The following DGKB variants were observed in gnomAD, a reference collection of about 807,000 sequenced individuals.
The protein encoded by DGKB is diacylglycerol kinase beta, also known as 90 kDa diacylglycerol kinase.
In DGKB, 67 loss-of-function variants were observed where a neutral mutation model predicts 114.3. The observed-to-expected ratio is 0.59, with a 90% CI of 0.48 to 0.72. The LOEUF (loss-of-function observed/expected upper bound fraction) is 0.72. Ranked by LOEUF, DGKB falls within the 30% of genes least tolerant of loss-of-function variation. DGKB has a pLI of 0.00. For missense variants in DGKB, 907 were observed against 975.2 expected, an observed-to-expected ratio of 0.93 and a Z score of 0.93; for synonymous variants, 398 against 323.1, an observed-to-expected ratio of 1.23 and a Z score of -2.49.
At chr7:14,939,672 G>T (rs42925) in intron 1 of DGKB, among the ~76,000 whole-genome samples, 18,435 of 136,630 alleles carry the variant, frequency 0.13, 1,568 homozygotes, top group Middle Eastern at 0.2. Context: ...TTCTGCCCAG[G>T]CTGGAGTGCA....
intron 21 of DGKB, among the ~76,000 whole-genome samples, chr7:14,419,624 T>A (rs1439844286): frequency 2.1e-5 from 3 of 141,630 alleles, no homozygotes; most frequent in Admixed American, 7.5e-5. Context: ...TGCACTTAAT[T>A]TGAAAAAAAA....
At chr7:14,972,212 A>G (rs1399078765) in intron 1 of DGKB, among the ~76,000 whole-genome samples, 2 of 152,152 alleles carry the variant, frequency 1.3e-5, no homozygotes, top group African/African-American at 2.4e-5. Context: ...AGCTTAATGT[A>G]TCATCATACT....
intron 21 of DGKB, among the ~76,000 whole-genome samples, chr7:14,405,480 G>A (rs1031417993): frequency 5.3e-5 from 8 of 151,960 alleles, no homozygotes; most frequent in Admixed American, 3.9e-4. Flanking sequence ...AGAATTAAAT[G>A]AGATAGGCTT....
chr7:14,949,717 G>T (rs1336149080), intron 1 of DGKB, among the ~76,000 whole-genome samples: 1 of 151,900 alleles, frequency 6.6e-6, no homozygotes, highest in African/African-American at 2.4e-5. Flanking sequence ...TAGTAAAAAT[G>T]ATAGACTGGA....
chr7:14,689,196 C>CTTCTTTTTTTT (rs1554599070), intron 9 of DGKB, among the ~76,000 whole-genome samples: 1 of 80,304 alleles, frequency 1.2e-5, no homozygotes, highest in African/African-American at 4.9e-5. Context: ...AGAAACTCCT[C>CTTCTTTTTTTT]TTATTTTTTT....
At chr7:14,213,474 T>C (rs1196075471) in intron 23 of DGKB, among the ~76,000 whole-genome samples, 1 of 152,168 alleles carries the variant, frequency 6.6e-6, no homozygotes, top group Non-Finnish European at 1.5e-5. Context: ...ATTTATTCCA[T>C]AATATCTTTT....
chr7:14,948,777 T>C (rs1048764704), intron 1 of DGKB, among the ~76,000 whole-genome samples: 6 of 151,482 alleles, frequency 4.0e-5, no homozygotes, highest in African/African-American at 1.5e-4. Flanking sequence ...AACAAAAACA[T>C]TAACAACATA....
intron 4 of DGKB, among the ~76,000 whole-genome samples, chr7:14,747,771 A>ACGCGCGCGCGTG (rs1344297768): frequency 1.1e-5 from 1 of 92,120 alleles, no homozygotes; most frequent in African/African-American, 7.0e-5. Flanking sequence ...AAACACATCC[A>ACGCGCGCGCGTG]CGCGCACGCA....
At chr7:14,871,939 G>A (rs1370151953) in intron 1 of DGKB, among the ~76,000 whole-genome samples, 2 of 152,024 alleles carry the variant, frequency 1.3e-5, no homozygotes, top group Non-Finnish European at 2.9e-5. Context: ...ATTCTCTGAA[G>A]TTTTTTGCTA....
At chr7:14,606,586 A>G (rs1755635483) in intron 17 of DGKB, among the ~76,000 whole-genome samples, 1 of 149,908 alleles carries the variant, frequency 6.7e-6, no homozygotes, top group Non-Finnish European at 1.5e-5. Context: ...TTTTAAATCA[A>G]CTGCCTTTTT....
At chr7:14,722,997 C>CTTA (rs1829441516) in intron 5 of DGKB, among the ~76,000 whole-genome samples, 1 of 147,974 alleles carries the variant, frequency 6.8e-6, no homozygotes, top group Non-Finnish European at 1.5e-5. Context: ...CTACTCTACC[C>CTTA]TTTATTTATT....
chr7:14,891,125 A>G (rs998324829), intron 1 of DGKB, among the ~76,000 whole-genome samples: 1 of 151,450 alleles, frequency 6.6e-6, no homozygotes, highest in Non-Finnish European at 1.5e-5. Flanking sequence ...AGGAGGTACC[A>G]GTACTCCCAC....
Position 14,752,400 on chromosome 7 carries a change from T to A in DGKB, c.168+1528A>T, listed in dbSNP as rs187404699. On this transcript the variant is annotated intron_variant, in intron 4 of 25. Transcript: ENST00000402815. ...CATTAAAAGAAACTACAATACAGAG[T>A]ACAAAGTGCGAAAATAAAGCAAGCC... Among the ~76,000 whole-genome samples the A allele has an allele frequency of 2.2e-3, 336 of 152,084 alleles. 1 individual carries two copies. Among genetic ancestry groups the A allele is most frequent in the African/African-American group, 7.7e-3 (321 of 41,498 alleles).
At chr7:14,687,731 T>C (rs986734625) in intron 9 of DGKB, among the ~76,000 whole-genome samples, 2 of 152,230 alleles carry the variant, frequency 1.3e-5, no homozygotes, top group African/African-American at 4.8e-5. Context: ...TCGTATATAT[T>C]ACTGTTCTTG....
At chr7:14,535,515 G>A (rs1339160546) in intron 20 of DGKB, among the ~76,000 whole-genome samples, 2 of 151,980 alleles carry the variant, frequency 1.3e-5, no homozygotes, top group Non-Finnish European at 2.9e-5. Flanking sequence ...AGAAAATGCT[G>A]AAGATTAGAA....
intron 2 of DGKB, among the ~76,000 whole-genome samples, chr7:14,818,934 A>G (rs544412556): frequency 1.3e-5 from 2 of 152,300 alleles, no homozygotes; most frequent in South Asian, 4.1e-4. Context: ...ACAAATAGGC[A>G]TAGCTCTGCA....
At chr7:14,271,693 A>G (rs1384623145) in intron 23 of DGKB, among the ~76,000 whole-genome samples, 1 of 152,236 alleles carries the variant, frequency 6.6e-6, no homozygotes, top group Non-Finnish European at 1.5e-5. Context: ...AGAGCACTAC[A>G]AAAAAGGTAT....
chr7:14,928,397 CT>C (rs1395468492), intron 1 of DGKB, among the ~76,000 whole-genome samples: 2 of 151,898 alleles, frequency 1.3e-5, no homozygotes, highest in African/African-American at 4.8e-5. Context: ...AAATATATAT[CT>C]TGTTTCCTCT....
chr7:14,319,410 A>G (rs996158618), intron 23 of DGKB, among the ~76,000 whole-genome samples: 4 of 152,158 alleles, frequency 2.6e-5, no homozygotes, highest in South Asian at 4.1e-4. Context: ...TTCTTACTAA[A>G]TTTTTGTTTT....
Sources: gnomAD v4.1 joint callset for allele counts (sites outside exome capture counted in the v4.1 genomes callset) on GRCh38, gnomAD v4.1.1 for gene constraint, MANE v1.5 for transcripts, NCBI Gene and HGNC (gene_info 2026-07-23, HGNC 2026-07-21) for gene names.